The following SLC25A12 variants were observed in gnomAD, a reference collection of about 807,000 sequenced individuals.
SLC25A12 encodes electrogenic aspartate/glutamate antiporter SLC25A12, mitochondrial.
A neutral mutation model predicts 83.3 loss-of-function variants in SLC25A12; 32 were observed. The ratio of observed to expected loss-of-function variants is 0.38; its 90% CI spans 0.29 to 0.52. The LOEUF (loss-of-function observed/expected upper bound fraction) is 0.52, where lower values mean the gene tolerates loss of function less well. SLC25A12 is among the 20% of genes least tolerant of loss of function. The pLI, the probability that SLC25A12 is intolerant of heterozygous loss-of-function variation, is 0.84. For synonymous variants in SLC25A12, 267 were observed against 291.1 expected (o/e 0.92, Z 0.84); for missense variants, 611 against 835.6 (o/e 0.73, Z 3.31).
chr2:171,882,656 A>G (rs974439648), intron 2 of SLC25A12, among the ~76,000 whole-genome samples: 6 of 152,248 alleles, frequency 3.9e-5, no homozygotes, highest in Non-Finnish European at 7.3e-5. Context: ...AGACTGAAAT[A>G]GTACTGACTA....
intron 15 of SLC25A12, among the ~76,000 whole-genome samples, chr2:171,789,637 G>A (rs749052437): frequency 6.6e-6 from 1 of 152,196 alleles, no homozygotes; most frequent in South Asian, 2.1e-4. Flanking sequence ...AGGGGTGCAT[G>A]TTTGCTCTCT....
intron 1 of SLC25A12, among the ~76,000 whole-genome samples, chr2:171,893,950 A>G (rs1040883295): frequency 6.6e-6 from 1 of 151,068 alleles, no homozygotes; most frequent in Non-Finnish European, 1.5e-5. Context: ...ACAGGACATT[A>G]CTCTTCCTTC....
intron 5 of SLC25A12, among the ~76,000 whole-genome samples, chr2:171,843,757 T>A (rs1466897847): frequency 1.3e-5 from 2 of 151,356 alleles, no homozygotes; most frequent in Non-Finnish European, 2.9e-5. Context: ...AGTCCAAGTC[T>A]GTGATAAAGA....
chr2:171,790,529 T>C (rs1215623111), intron 15 of SLC25A12, among the ~76,000 whole-genome samples: 1 of 152,156 alleles, frequency 6.6e-6, no homozygotes, highest in African/African-American at 2.4e-5. Context: ...CTGTGCCTAA[T>C]TTGGTATCTT....
rs1436524251 is a variant in SLC25A12, at chr2:171,893,198, A to T, written c.66+7T>A. 1.2e-6 allele frequency: 2 copies of T among 1,613,618 alleles called. No homozygotes were observed. The highest frequency in any genetic ancestry group is 1.7e-6 in the Non-Finnish European group (2 of 1,179,630). ...CAATGAAAGGCACACTATGCAAGCC[A>T]ATTTACCTGTAGAAATATGTTTCTT... On this transcript the variant is annotated splice_region_variant and intron_variant, in intron 2 of 17. Transcript: ENST00000422440.
chr2:171,864,276 A>C (rs1212380789), intron 3 of SLC25A12, among the ~76,000 whole-genome samples: 1 of 152,226 alleles, frequency 6.6e-6, no homozygotes, highest in African/African-American at 2.4e-5. Flanking sequence ...TGTAGACTGA[A>C]ACTGCCATAA....
chr2:171,832,479 T>C (rs776113464), intron 8 of SLC25A12, among the ~76,000 whole-genome samples: 1 of 152,234 alleles, frequency 6.6e-6, no homozygotes, highest in African/African-American at 2.4e-5. Flanking sequence ...TGTGTGGAAC[T>C]AGTTGTACTT....
At chr2:171,804,461 A>G (rs6433314) in intron 13 of SLC25A12, among the ~76,000 whole-genome samples, 42,701 of 151,948 alleles carry the variant, frequency 0.28, 6,227 homozygotes, top group African/African-American at 0.34. Flanking sequence ...GTTTCACACC[A>G]TGTTGGCCAG....
At chr2:171,829,083 T>C (rs1684377456) in intron 8 of SLC25A12, among the ~76,000 whole-genome samples, 1 of 152,210 alleles carries the variant, frequency 6.6e-6, no homozygotes, top group Non-Finnish European at 1.5e-5. Context: ...TTCCACCTGA[T>C]TCCCCACTTG....
At chr2:171,828,189 C>A (rs1684352019) in intron 8 of SLC25A12, among the ~76,000 whole-genome samples, 1 of 152,210 alleles carries the variant, frequency 6.6e-6, no homozygotes, top group South Asian at 2.1e-4. Context: ...CTAGCCAGAG[C>A]CACTCTCTGG....
intron 4 of SLC25A12, among the ~76,000 whole-genome samples, chr2:171,851,450 A>C (rs1220358837): frequency 4.0e-5 from 6 of 151,308 alleles, no homozygotes; most frequent in Non-Finnish European, 7.4e-5. Flanking sequence ...TGGCCTCCCA[A>C]AGTGCTGGGA....
chr2:171,828,416 G>T (rs1684358029), intron 8 of SLC25A12, among the ~76,000 whole-genome samples: 1 of 152,150 alleles, frequency 6.6e-6, no homozygotes, highest in Non-Finnish European at 1.5e-5. Flanking sequence ...AATGGCAAAG[G>T]ATATCTCTTA....
chr2:171,841,634 A>G (rs1684675034), intron 5 of SLC25A12, among the ~76,000 whole-genome samples: 1 of 152,220 alleles, frequency 6.6e-6, no homozygotes, highest in Admixed American at 6.5e-5. Flanking sequence ...TGGCCTCCCA[A>G]AGTGCTAGGA....
At chr2:171,834,105 T>C (rs1159076106) in intron 7 of SLC25A12, 49 bp from the exon 8 acceptor site, 1 of 1,058,202 alleles carries the variant, frequency 9.4e-7, no homozygotes, top group Non-Finnish European at 1.5e-6. Context: ...TCTTAATATA[T>C]AACAAAGTTC....
At chr2:171,840,178 TA>T (rs1347344770) in intron 5 of SLC25A12, among the ~76,000 whole-genome samples, 3 of 151,814 alleles carry the variant, frequency 2.0e-5, no homozygotes, top group Non-Finnish European at 4.4e-5. Context: ...TAATCCGAAA[TA>T]AAAGACCTAG....
chr2:171,850,908 G>A (rs900997827), intron 4 of SLC25A12, among the ~76,000 whole-genome samples: 6 of 152,110 alleles, frequency 3.9e-5, no homozygotes, highest in East Asian at 1.9e-4. Flanking sequence ...TCTCCTTCAG[G>A]GAAAAACAGC....
intron 12 of SLC25A12, 35 bp downstream of exon 12, chr2:171,810,189 A>G (rs779542289): frequency 1.9e-6 from 3 of 1,583,498 alleles, no homozygotes; most frequent in Non-Finnish European, 2.6e-6. Flanking sequence ...GGTAATCTAA[A>G]CAAATGACAT....
At chr2:171,889,361 G>A (rs1459666463) in intron 2 of SLC25A12, among the ~76,000 whole-genome samples, 2 of 152,056 alleles carry the variant, frequency 1.3e-5, no homozygotes, top group African/African-American at 2.4e-5. Context: ...TACCAAATTC[G>A]ATAGATTCTT....
intron 4 of SLC25A12, among the ~76,000 whole-genome samples, chr2:171,852,204 A>G (rs922271379): frequency 7.9e-5 from 12 of 152,222 alleles, no homozygotes; most frequent in African/African-American, 2.9e-4. Context: ...CCAAGGCCTC[A>G]ATCTAAGTCC....
Sources: allele counts gnomAD v4.1 joint callset (sites outside exome capture counted in the v4.1 genomes callset), GRCh38; gene constraint gnomAD v4.1.1; transcripts MANE v1.5; gene names NCBI Gene and HGNC (gene_info 2026-07-23, HGNC 2026-07-21).